The following KDM5B variants were observed in gnomAD, a reference collection of about 807,000 sequenced individuals.
KDM5B encodes the protein lysine-specific demethylase 5B.
A neutral mutation model predicts 193.4 loss-of-function variants in KDM5B; 144 were observed. The observed-to-expected ratio is 0.74, with a 90% CI of 0.65 to 0.86. The LOEUF (loss-of-function observed/expected upper bound fraction) is 0.86, where lower values mean the gene tolerates loss of function less well. KDM5B is among the 40% of genes least tolerant of loss of function. KDM5B has a pLI of 0.00. For missense variants in KDM5B, 1,833 were observed against 1,886.9 expected, an observed-to-expected ratio of 0.97 and a Z score of 0.53; for synonymous variants, 668 against 682.6, an observed-to-expected ratio of 0.98 and a Z score of 0.33.
At chr1:202,781,668 A>G (rs1418030296) in intron 1 of KDM5B, among the ~76,000 whole-genome samples, 2 of 152,202 alleles carry the variant, frequency 1.3e-5, no homozygotes, top group African/African-American at 4.8e-5. Flanking sequence ...GCTAACAGGA[A>G]GCCTTTATAT....
At chr1:202,773,785 C>T (rs115748837) in intron 3 of KDM5B, among the ~76,000 whole-genome samples, 2,266 of 151,148 alleles carry the variant, frequency 0.015, 56 homozygotes, top group African/African-American at 0.052. Context: ...TTGCCCAGCC[C>T]GCAGTGCAAT....
intron 1 of KDM5B, among the ~76,000 whole-genome samples, chr1:202,807,887 G>A (rs2102360618): frequency 6.6e-6 from 1 of 152,030 alleles, no homozygotes. Context: ...CACCGCCGAA[G>A]CCCCCGGTTC....
At chr1:202,800,412 C>T (rs545184908) in intron 1 of KDM5B, among the ~76,000 whole-genome samples, 1 of 152,136 alleles carries the variant, frequency 6.6e-6, no homozygotes. Flanking sequence ...GTGATCAGGG[C>T]TCACCGCAAC....
rs149504096 is a variant in KDM5B at position 202,760,550 on chromosome 1, T to C, written c.942A>G (p.Leu314=). 1.2e-3 allele frequency: 1,913 copies of C among 1,612,176 alleles called. 3 individuals are homozygous for C. The highest frequency in any genetic ancestry group is 1.6e-3 in the Non-Finnish European group (1,842 of 1,179,034). The change falls in exon 8 of 27, where the codon TTA becomes TTG. Residue 314 remains leucine (L), a synonymous_variant. Transcript: ENST00000367265. ...TNAVDLYVCL[L]CGSGNDEDRL... ...GGTCTTCATCATTGCCACTGCCACA[T>C]AAAAGACAGACATACAGGTCCACCT...
At chr1:202,795,284 T>C (rs1247545767) in intron 1 of KDM5B, among the ~76,000 whole-genome samples, 3 of 152,006 alleles carry the variant, frequency 2.0e-5, no homozygotes, top group East Asian at 3.9e-4. Flanking sequence ...AAATATCTTA[T>C]TGTACTGTCC....
chr1:202,735,470 G>C lies in KDM5B; in HGVS notation c.3382C>G (p.Leu1128Val). The change falls in exon 22 of 27, where the codon CTG (leucine) becomes GTG (valine). Residue 1128 changes from leucine to valine, a missense_variant. Physicochemically the swap from Leu to Val is conservative, Grantham distance 32. Around this residue, in one of 3 missense-constraint regions of KDM5B, gnomAD observed 1,379 missense variants for 1,349.6 expected, o/e 1.02. Coordinates refer to ENST00000367265, the MANE Select transcript of KDM5B (RefSeq NM_006618.5). Reference protein sequence around the residue: ...KSTKLESLSDLERALTESKET... With the variant: ...KSTKLESLSDVERALTESKET... ...TTGCTTTCAGTTAAAGCTCTCTCCA[G>C]GTCACTCAGACTCTCTAATTTGGTG... 2 of 1,613,990 alleles carry C rather than the reference G, an allele frequency of 1.2e-6. No individual in the cohort carries two copies. Among genetic ancestry groups the C allele is most frequent in the Middle Eastern group, 1.6e-4 (1 of 6,062 alleles).
intron 25 of KDM5B, 97 bp from the exon 26 acceptor site, chr1:202,730,124 A>C: frequency 5.1e-5 from 50 of 987,594 alleles, no homozygotes; most frequent in South Asian, 1.5e-4. Flanking sequence ...AAATCAGATG[A>C]TCCCCCAATC....
At chr1:202,758,167 T>C (rs180790504) in intron 9 of KDM5B, among the ~76,000 whole-genome samples, 209 of 152,324 alleles carry the variant, frequency 1.4e-3, no homozygotes, top group Non-Finnish European at 2.4e-3. Flanking sequence ...TGCTGTATAA[T>C]CTGTGTGGAA....
In KDM5B at chr1:202,745,852, A is replaced by C. The variant is rs1415419035; in HGVS notation, c.2323+6T>G. The stretch of plus-strand genomic sequence containing the variant: ...CAATCACCAAGTCACTTTCTGTATC[A>C]CATACTTTTCTTCTTGTTGATCTTT... On this transcript the variant is annotated splice_donor_region_variant and intron_variant, in intron 16 of 26. Transcript: ENST00000367265. 3.7e-6 allele frequency: 6 copies of C among 1,613,756 alleles called. No individual in the cohort carries two copies. The highest frequency in any genetic ancestry group is 5.1e-6 in the Non-Finnish European group (6 of 1,179,850).
chr1:202,792,709 C>T (rs12132994), intron 1 of KDM5B, among the ~76,000 whole-genome samples: 184 of 152,316 alleles, frequency 1.2e-3, no homozygotes, highest in Non-Finnish European at 2.0e-3. Flanking sequence ...CAAAAAAAGA[C>T]TGTAGGCCGG....
chr1:202,748,183 TG>T (rs1232324601), intron 14 of KDM5B, among the ~76,000 whole-genome samples: 1 of 152,212 alleles, frequency 6.6e-6, no homozygotes, highest in Non-Finnish European at 1.5e-5. Flanking sequence ...GAAATGCTGC[TG>T]GAAGAACTAG....
chr1:202,727,045 C>T lies in KDM5B; in HGVS notation c.*1991G>A, dbSNP rs1654697136. 1 of 151,996 alleles carries T rather than the reference C, an allele frequency of 6.6e-6. No individual in the cohort carries two copies. Among genetic ancestry groups the T allele is most frequent in the African/African-American group, 2.4e-5 (1 of 41,374 alleles). 9.4% of individuals were successfully genotyped at this position (151,996 alleles called of 1,614,324 possible). On this transcript the variant is annotated 3_prime_UTR_variant, in exon 27 of 27. Coordinates refer to ENST00000367265, the MANE Select transcript of KDM5B (RefSeq NM_006618.5). ...CAAAGATCTGACTTCCTCAAAGATG[C>T]TATTGTCAGGGACTGTGTACCACCA... is the stretch of plus-strand genomic sequence containing the variant.
intron 26 of KDM5B, 72 bp downstream of exon 26, chr1:202,729,635 G>C: frequency 7.7e-7 from 1 of 1,303,828 alleles, no homozygotes; most frequent in Non-Finnish European, 1.1e-6. Flanking sequence ...AAGACCCAGC[G>C]AGATGAGGTC....
chr1:202,742,429 C>A lies in KDM5B; in HGVS notation c.2551G>T (p.Ala851Ser), dbSNP rs1442678271. 6.2e-7 allele frequency: 1 copy of A among 1,614,078 alleles called. No homozygotes were observed. The highest frequency in any genetic ancestry group is 1.7e-5 in the Admixed American group (1 of 60,024). The change falls in exon 18 of 27, where the codon GCT becomes TCT. Residue 851 changes from alanine to serine, a missense_variant. Ala to Ser is a moderately conservative substitution (Grantham distance 99). Transcript: ENST00000367265. ...ELRQFVTQLY[A>S]LPCVLSQTPL... ...GTCTGACTGAGGACACATGGAAGAG[C>A]ATACAGCTGTGTTACAAACTGCCGG...
intron 1 of KDM5B, among the ~76,000 whole-genome samples, chr1:202,790,518 G>A (rs1358366457): frequency 2.0e-5 from 3 of 151,896 alleles, no homozygotes; most frequent in Non-Finnish European, 1.5e-5. Context: ...TCTGGAGTTC[G>A]AGACCAGCGT....
intron 4 of KDM5B, among the ~76,000 whole-genome samples, chr1:202,770,860 C>A (rs1414219778): frequency 6.6e-6 from 1 of 152,198 alleles, no homozygotes; most frequent in African/African-American, 2.4e-5. Context: ...CTTCCTAAAA[C>A]ATACTTGGCA....
chr1:202,773,271 A>T lies in KDM5B; in HGVS notation c.423T>A (p.Gly141=). ...FQLNKLVAEE[G]GFAVVCKDRK... ...TATCCTTGCAAACAACTGCAAATCC[A>T]CCTTCTTCTGCAACTAACTGTTAAA... The change falls in exon 4 of 27, where the codon GGT becomes GGA. Residue 141 remains glycine, a synonymous_variant. Coordinates refer to ENST00000367265, the MANE Select transcript of KDM5B (RefSeq NM_006618.5). 6.2e-7 allele frequency: 1 copy of T among 1,613,906 alleles called. No individual in the cohort carries two copies. Among genetic ancestry groups the T allele is most frequent in the Non-Finnish European group, 8.5e-7 (1 of 1,179,944 alleles).
chr1:202,740,709 C>T lies in KDM5B; in HGVS notation c.3049G>A (p.Ala1017Thr). 1.2e-6 allele frequency: 2 copies of T among 1,612,790 alleles called. No individual in the cohort carries two copies. The highest frequency in any genetic ancestry group is 1.1e-5 in the South Asian group (1 of 91,004). Reference protein sequence around the residue: ...GAALKDSVQRARDWLQDVEGL... With the variant: ...GAALKDSVQRTRDWLQDVEGL... ...TCTACATCCTGAAGCCAGTCTCTGGCTCTCTGCACTGAGTCTTTCAGAGCC... is the reference window on the plus strand; with the variant it reads ...TCTACATCCTGAAGCCAGTCTCTGGTTCTCTGCACTGAGTCTTTCAGAGCC... Residue 1017 changes from alanine to threonine, a missense_variant, in exon 20 of 27, where the codon GCC becomes ACC. Ala to Thr is a moderately conservative substitution (Grantham distance 58). This residue lies in a region of KDM5B where 1,379 missense variants were observed against 1,349.6 expected (regional missense o/e 1.02). Transcript: ENST00000367265.
At chr1:202,772,825 T>C (rs967110247) in intron 4 of KDM5B, among the ~76,000 whole-genome samples, 1 of 152,016 alleles carries the variant, frequency 6.6e-6, no homozygotes, top group Non-Finnish European at 1.5e-5. Flanking sequence ...GCCTCCCTAG[T>C]AGCTGGGATT....
Sources: allele counts gnomAD v4.1 joint callset (sites outside exome capture counted in the v4.1 genomes callset), GRCh38; gene constraint gnomAD v4.1.1; regional missense constraint gnomAD v4.1.1; transcripts MANE v1.5; gene names NCBI Gene and HGNC (gene_info 2026-07-23, HGNC 2026-07-21).